RYR1: variants seen among roughly 807,000 people sequenced by gnomAD.
The protein encoded by RYR1 is ryanodine receptor 1.
Under a neutral mutation model 583.5 loss-of-function variants are expected in RYR1, and 342 were observed. That is an observed-to-expected ratio of 0.59 (90% confidence interval 0.54 to 0.64). The LOEUF (loss-of-function observed/expected upper bound fraction) is 0.64. RYR1 is among the 30% of genes least tolerant of loss of function. The pLI is 0.00. For missense variants in RYR1, 6,032 were observed against 6,917.2 expected (o/e 0.87, Z 4.54); for synonymous variants, 2,791 against 2,822.5 (o/e 0.99, Z 0.35).
At chr19:38,477,898 T>TGGG in intron 30 of RYR1, 28 bp downstream of exon 30, 12 of 873,664 alleles carry the variant, frequency 1.4e-5, no homozygotes, top group Non-Finnish European at 1.4e-5. Flanking sequence ...AGGTGGGAGG[T>TGGG]GCAGGGTGGG....
chr19:38,576,035 C>T lies in RYR1; in HGVS notation c.14172+74C>T, dbSNP rs549691429. 8.3e-6 allele frequency: 13 copies of T among 1,557,812 alleles called. No individual in the cohort carries two copies. In the South Asian group the frequency reaches 1.1e-4, roughly 13 times the overall value. ...ACCAGGCCATCACAGGCCTGCCAAG[C>T]ACTTGCTTGGTGTGTGACCTTGGGC... On this transcript the variant is annotated intron_variant, in intron 97 of 105. Transcript: ENST00000359596.
intron 13 of RYR1, among the ~76,000 whole-genome samples, chr19:38,454,022 A>T (rs530326957): frequency 8.5e-5 from 13 of 152,254 alleles, no homozygotes; most frequent in African/African-American, 2.9e-4. Context: ...CAGGATGCAG[A>T]TACAACAATT....
In RYR1 at chr19:38,467,815, G is replaced by T. The variant is rs1410881191; in HGVS notation, c.3381+3G>T. ...CCTATGTCTTCAATGGGCACCGCGT[G>T]GGTACCTCCCTGGGCACCATTCTGC... On this transcript the variant is annotated splice_donor_region_variant and intron_variant, in intron 25 of 105. Transcript: ENST00000359596. 6.2e-7 allele frequency: 1 copy of T among 1,613,670 alleles called. No homozygotes were observed.
chr19:38,580,961 C>T (rs1001230445), intron 101 of RYR1, among the ~76,000 whole-genome samples: 1 of 149,854 alleles, frequency 6.7e-6, no homozygotes, highest in South Asian at 2.1e-4. Context: ...TGCAGTGGCG[C>T]AATCTCAGCT....
At chr19:38,516,758 A>G (rs553864650) in intron 65 of RYR1, among the ~76,000 whole-genome samples, 17 of 152,208 alleles carry the variant, frequency 1.1e-4, no homozygotes, top group Non-Finnish European at 2.1e-4. Context: ...GTTACTATGT[A>G]TGAGGCGCTG....
At chr19:38,505,983 T>TTGAG in intron 54 of RYR1, 37 bp downstream of exon 54, 1 of 1,574,750 alleles carries the variant, frequency 6.4e-7, no homozygotes, top group Non-Finnish European at 8.7e-7. Context: ...AGGGGCACGA[T>TTGAG]GGGGGGAGGG....
intron 101 of RYR1, 148 bp downstream of exon 101, chr19:38,580,652 G>C (rs1974162598): frequency 9.7e-7 from 1 of 1,029,308 alleles, no homozygotes. Flanking sequence ...TTGAGTCCAG[G>C]AGTTGGAAAC....
chr19:38,568,020 C>A, intron 93 of RYR1, 103 bp downstream of exon 93: 1 of 1,376,348 alleles, frequency 7.3e-7, no homozygotes, highest in Non-Finnish European at 1.0e-6. Flanking sequence ...TCTGTTCAAG[C>A]TCGTCTCTAA....
chr19:38,448,754 T>A lies in RYR1; in HGVS notation c.1063T>A (p.Trp355Arg), dbSNP rs1218761072. The A allele has an allele frequency of 1.2e-6, 2 of 1,614,212 alleles. No homozygotes were observed. ...CGTGCAGCATGTGGCCTCAGGACTG[T>A]GGCTCACCTATGCTGCTCCAGACCC... is the stretch of plus-strand genomic sequence containing the variant. The part of the protein sequence containing the change: ...CFVQHVASGL[W>R]LTYAAPDPKA... The change falls in exon 11 of 106, where the codon TGG becomes AGG. Residue 355 changes from tryptophan (W) to arginine (R), a missense_variant. Trp to Arg is a moderately radical substitution (Grantham distance 101, BLOSUM62 -3). Around this residue, in one of 11 missense-constraint regions of RYR1, gnomAD observed 338 missense variants for 441.6 expected, o/e 0.77. Coordinates refer to ENST00000359596, the MANE Select transcript of RYR1 (RefSeq NM_000540.3).
intron 77 of RYR1, 27 bp from the exon 78 acceptor site, chr19:38,532,644 A>C: frequency 1.2e-6 from 2 of 1,613,994 alleles, no homozygotes; most frequent in Non-Finnish European, 1.7e-6. Flanking sequence ...TGCTTTGTTC[A>C]TCCCTTAACT....
intron 27 of RYR1, among the ~76,000 whole-genome samples, chr19:38,471,364 A>G (rs1206848750): frequency 6.6e-6 from 1 of 151,840 alleles, no homozygotes; most frequent in African/African-American, 2.4e-5. Flanking sequence ...CCCTGTCTCT[A>G]CACAGAATAA....
At chr19:38,502,768 CA>C (rs1970213760) in intron 48 of RYR1, 41 bp downstream of exon 48, 1 of 605,374 alleles carries the variant, frequency 1.7e-6, no homozygotes, top group African/African-American at 4.3e-5. Context: ...GGGGCAGGGG[CA>C]GGGGCAGGGG....
chr19:38,478,349 G>A (rs1968846589), intron 30 of RYR1, 86 bp from the exon 31 acceptor site: 5 of 1,473,706 alleles, frequency 3.4e-6, no homozygotes, highest in Admixed American at 1.7e-5. Context: ...CTGAGGTTGT[G>A]TGTTTCCGGG....
In RYR1 at chr19:38,440,857, A is replaced by G; in HGVS notation, c.158A>G (p.Asn53Ser). Reference sequence around the variant, plus strand: ...CTGTGCTTCCTGGAGCCCACTAGCAACGCGCAGGTCTGTGCAGGAGGGAGA... The same window carrying G: ...CTGTGCTTCCTGGAGCCCACTAGCAGCGCGCAGGTCTGTGCAGGAGGGAGA... ...NRLCFLEPTS[N>S]AQNVPPDLAI... The change falls in exon 2 of 106, where the codon AAC (asparagine) becomes AGC (serine). Residue 53 changes from asparagine (N) to serine (S), a missense_variant. By Grantham distance (46) the Asn-to-Ser change is conservative. Around this residue, in one of 11 missense-constraint regions of RYR1, gnomAD observed 71 missense variants for 75.3 expected, o/e 0.94. Coordinates refer to ENST00000359596, the MANE Select transcript of RYR1 (RefSeq NM_000540.3). The G allele has an allele frequency of 6.2e-7, 1 of 1,612,050 alleles. No homozygotes were observed. The highest frequency in any genetic ancestry group is 1.3e-5 in the African/African-American group (1 of 75,028).
chr19:38,561,057 A>AT lies in RYR1; in HGVS notation c.12283-56_12283-55insT. The AT allele has an allele frequency of 3.7e-6, 5 of 1,357,090 alleles. No homozygotes were observed. Among genetic ancestry groups the AT allele is most frequent in the South Asian group, 1.3e-5 (1 of 78,992 alleles). The allele number at this position is 1,357,090 out of a possible 1,614,324, so 84.1% of individuals were successfully genotyped here. On this transcript the variant is annotated intron_variant, in intron 89 of 105. Transcript: ENST00000359596. The surrounding 1 kb of genome is among the most constrained non-coding windows in gnomAD (Gnocchi z 4.8). Reference sequence around the variant, plus strand: ...CCTTGTCTTAAAAAAAAAAAAAAAAAGAGAGAGAATTGAGGCTCTCCAGGT... The same window carrying AT: ...CCTTGTCTTAAAAAAAAAAAAAAAAATGAGAGAGAATTGAGGCTCTCCAGGT...
chr19:38,497,589 A>T (rs1969905597), intron 42 of RYR1, among the ~76,000 whole-genome samples: 1 of 152,240 alleles, frequency 6.6e-6, no homozygotes, highest in Non-Finnish European at 1.5e-5. Context: ...GTAAAGGGGC[A>T]GTCAGTAACG....
chr19:38,518,757 C>T (rs1357580336), intron 66 of RYR1, among the ~76,000 whole-genome samples: 1 of 152,068 alleles, frequency 6.6e-6, no homozygotes, highest in Non-Finnish European at 1.5e-5. Flanking sequence ...GGTGAAACCC[C>T]ATCTCTACCA....
In RYR1 at chr19:38,463,469, A is replaced by T; in HGVS notation, c.2624A>T (p.Glu875Val). 6.2e-7 allele frequency: 1 copy of T among 1,613,900 alleles called. No homozygotes were observed. Among genetic ancestry groups the T allele is most frequent in the South Asian group, 1.1e-5 (1 of 91,080 alleles). ...GAGCGCATTCGGGAGAAGCTGGCGG[A>T]GAACATCCACGAGCTCTGGGCGCTA... ...HLERIREKLAENIHELWALTR... is the reference protein window; with the variant it reads ...HLERIREKLAVNIHELWALTR... Residue 875 changes from glutamate to valine, a missense_variant, in exon 21 of 106, where the codon GAG becomes GTG. Glu to Val is a moderately radical substitution (Grantham distance 121). Around this residue, in one of 11 missense-constraint regions of RYR1, gnomAD observed 2,627 missense variants for 2,961.3 expected, o/e 0.89. Transcript: ENST00000359596.
chr19:38,473,752 G>A lies in RYR1; in HGVS notation c.4141G>A (p.Glu1381Lys), dbSNP rs1177593872. Reference sequence around the variant, plus strand: ...GGAGAATGAGAAGGATGCCACCACCGAGAAGAACAAGAAGAGAGGGTGAGT... The same window carrying A: ...GGAGAATGAGAAGGATGCCACCACCAAGAAGAACAAGAAGAGAGGGTGAGT... ...RAENEKDATT[E>K]KNKKRGFLFK... Residue 1381 changes from glutamate to lysine, a missense_variant, in exon 28 of 106, where the codon GAG (glutamate) becomes AAG (lysine). By Grantham distance (56) the Glu-to-Lys change is moderately conservative. Coordinates refer to ENST00000359596, the MANE Select transcript of RYR1 (RefSeq NM_000540.3). 6.5e-6 allele frequency: 10 copies of A among 1,538,052 alleles called. No individual in the cohort carries two copies. Among genetic ancestry groups the A allele is most frequent in the South Asian group, 1.2e-5 (1 of 83,586 alleles).
Sources: gnomAD v4.1 joint callset for allele counts (sites outside exome capture counted in the v4.1 genomes callset) on GRCh38, gnomAD v4.1.1 for gene constraint, gnomAD v4.1.1 regional missense constraint, Gnocchi (gnomAD v3.1) non-coding constraint, MANE v1.5 for transcripts, NCBI Gene and HGNC (gene_info 2026-07-23, HGNC 2026-07-21) for gene names.